HYDIN: variants seen among roughly 807,000 people sequenced by gnomAD.
HYDIN encodes HYDIN axonemal central pair apparatus protein, also known as axonemal central pair apparatus protein HYDIN.
HYDIN carries 132 observed loss-of-function variants against 403.9 expected under a neutral mutation model. The ratio of observed to expected loss-of-function variants is 0.33; its 90% CI spans 0.28 to 0.38. The LOEUF is 0.38. Among genes scored for constraint, HYDIN ranks in the 10% least tolerant of loss-of-function variants. HYDIN has a pLI of 1.00. For synonymous variants in HYDIN, 1,202 were observed against 1,891.7 expected, an observed-to-expected ratio of 0.64 and a Z score of 9.46; for missense variants, 2,827 against 5,009.5, an observed-to-expected ratio of 0.56 and a Z score of 13.15.
intron 66 of HYDIN, among the ~76,000 whole-genome samples, 179 bp from the exon 67 acceptor site, chr16:70,866,508 T>C (rs966929266): frequency 2.6e-5 from 4 of 152,016 alleles, no homozygotes; most frequent in African/African-American, 9.7e-5. Flanking sequence ...AAAAGGGATC[T>C]AGTAAGATTA....
intron 6 of HYDIN, among the ~76,000 whole-genome samples, chr16:71,156,567 AG>A (rs911322947): frequency 2.0e-5 from 3 of 152,200 alleles, no homozygotes; most frequent in African/African-American, 7.2e-5. Flanking sequence ...ATAATTATGG[AG>A]GGAGTTTGGT....
intron 1 of HYDIN, among the ~76,000 whole-genome samples, chr16:71,216,090 T>C (rs1336902056): frequency 6.6e-6 from 1 of 152,196 alleles, no homozygotes; most frequent in East Asian, 1.9e-4. Context: ...AAGATACGTA[T>C]GTTCTATGAC....
intron 77 of HYDIN, 132 bp downstream of exon 77, chr16:70,837,558 G>A: frequency 1.6e-6 from 1 of 633,506 alleles, no homozygotes; most frequent in African/African-American, 1.8e-5. Context: ...GGGACTCGCT[G>A]ACCTACAACA....
rs1296261177 is a variant in HYDIN, at chr16:70,840,615, T to A, written c.12874-382A>T. On this transcript the variant is annotated intron_variant, in intron 75 of 85. Transcript: ENST00000393567. ...CTTCCTTTGAAGCTCAGGATGGCCA[T>A]CAGACATAGTTCCAGTCATTGAGAT... Among the ~76,000 whole-genome samples, 5 of 152,218 alleles carry A rather than the reference T, an allele frequency of 3.3e-5. No individual in the cohort carries two copies. The East Asian group carries it at 9.6e-4, about 29-fold the overall frequency.
At chr16:70,858,795 G>A (rs1478760091) in intron 71 of HYDIN, among the ~76,000 whole-genome samples, 1 of 152,206 alleles carries the variant, frequency 6.6e-6, no homozygotes, top group Non-Finnish European at 1.5e-5. Context: ...TTTCTGGGCT[G>A]AAGTGGGGGC....
chr16:71,022,941 C>T (rs2080550811), intron 21 of HYDIN, among the ~76,000 whole-genome samples: 1 of 151,622 alleles, frequency 6.6e-6, no homozygotes, highest in South Asian at 2.1e-4. Flanking sequence ...AGAGCACTAC[C>T]CACACATTTT....
intron 11 of HYDIN, among the ~76,000 whole-genome samples, chr16:71,092,850 G>C (rs2083153991): frequency 1.4e-5 from 2 of 142,690 alleles, no homozygotes. Context: ...AAAGTGCTAG[G>C]ATACAAATTG....
chr16:71,043,670 T>C (rs2144205396), intron 18 of HYDIN, among the ~76,000 whole-genome samples: 1 of 152,214 alleles, frequency 6.6e-6, no homozygotes, highest in South Asian at 2.1e-4. Flanking sequence ...TCATTTTGTT[T>C]TATTTTAAAC....
intron 1 of HYDIN, among the ~76,000 whole-genome samples, chr16:71,217,648 T>C (rs1397063299): frequency 6.6e-6 from 1 of 152,190 alleles, no homozygotes; most frequent in East Asian, 1.9e-4. Flanking sequence ...TGCACCCTCA[T>C]AATAAGGTGC....
chr16:71,209,276 AG>A (rs2088461926), intron 1 of HYDIN, among the ~76,000 whole-genome samples: 1 of 151,398 alleles, frequency 6.6e-6, no homozygotes. Flanking sequence ...TCACATAAAC[AG>A]AACTGAAGAC....
At chr16:71,227,841 C>G (rs896899233) in intron 1 of HYDIN, among the ~76,000 whole-genome samples, 2 of 152,190 alleles carry the variant, frequency 1.3e-5, no homozygotes, top group East Asian at 3.8e-4. Flanking sequence ...AAAAAAGAGC[C>G]TGCATTGCCA....
intron 3 of HYDIN, among the ~76,000 whole-genome samples, chr16:71,179,814 C>A (rs969665954): frequency 1.3e-5 from 2 of 152,102 alleles, no homozygotes; most frequent in Non-Finnish European, 2.9e-5. Context: ...ACGAATTACC[C>A]CAAGCTAGTA....
Position 70,964,735 on chromosome 16 carries a change from C to T in HYDIN, c.5781G>A (p.Gln1927=), listed in dbSNP as rs149398297. The change falls in exon 37 of 86, where the codon CAG becomes CAA. Residue 1927 remains glutamine, a synonymous_variant. Transcript: ENST00000393567. ...MRAKYLENLA[Q]ENEEEDITSS... is the part of the protein sequence containing the mutation. ...TCCACATTGAGTTCTCACCATTCTC[C>T]TGTGCCAGATTCTCCAGATATTTCG... 2.5e-6 allele frequency: 4 copies of T among 1,611,472 alleles called. No individual in the cohort carries two copies. In the South Asian group the frequency reaches 4.4e-5, roughly 18 times the overall value.
chr16:70,914,215 T>A (rs2076773951), intron 47 of HYDIN, among the ~76,000 whole-genome samples: 1 of 152,164 alleles, frequency 6.6e-6, no homozygotes, highest in African/African-American at 2.4e-5. Context: ...TTTAATTGTA[T>A]TTTTGTTTTA....
At chr16:71,072,664 A>T (rs2082503752) in intron 13 of HYDIN, among the ~76,000 whole-genome samples, 1 of 152,072 alleles carries the variant, frequency 6.6e-6, no homozygotes, top group African/African-American at 2.4e-5. Flanking sequence ...TCTGATGGCC[A>T]TCAGATATGA....
chr16:70,898,122 T>C (rs1228832392), intron 53 of HYDIN, among the ~76,000 whole-genome samples: 20 of 152,178 alleles, frequency 1.3e-4, no homozygotes, highest in Non-Finnish European at 8.8e-5. Context: ...TGAGCTGAGA[T>C]TGCACCACTG....
At chr16:71,085,766 G>A (rs936012184) in intron 12 of HYDIN, among the ~76,000 whole-genome samples, 24 of 152,076 alleles carry the variant, frequency 1.6e-4, no homozygotes, top group Non-Finnish European at 3.5e-4. Flanking sequence ...ATATAACATA[G>A]ACTCTCCAGC....
At position 70,955,568 on chromosome 16, in the gene HYDIN, G is replaced by T. The variant is rs758699993; in HGVS notation, c.6143-20C>A. ...ACTTTCCTATTAAAAAGACCAGGGG[G>T]TTGAATTTCACGGTGCTCATTTGCT... is the stretch of plus-strand genomic sequence containing the variant. On this transcript the variant is annotated intron_variant, in intron 39 of 85. Coordinates refer to ENST00000393567, the MANE Select transcript of HYDIN (RefSeq NM_001270974.2). The T allele has an allele frequency of 5.0e-6, 6 of 1,201,152 alleles. No homozygotes were observed. Among genetic ancestry groups the T allele is most frequent in the Non-Finnish European group, 6.0e-6 (5 of 832,744 alleles). 74.4% of individuals were successfully genotyped at this position (1,201,152 alleles called of 1,614,324 possible).
At position 71,093,774 on chromosome 16, in the gene HYDIN, C is replaced by A. The variant is rs368678057; in HGVS notation, c.1446+43G>T. 5 of 1,597,488 alleles carry A rather than the reference C, an allele frequency of 3.1e-6. No individual in the cohort carries two copies. The African/African-American group carries it at 6.7e-5, about 22-fold the overall frequency. ...TATAAGATAAAACAAACCCCAAAAG[C>A]CAAGTACTGTTTGAAGTATCAACGA... On this transcript the variant is annotated intron_variant, in intron 11 of 85. Transcript: ENST00000393567.
Sources: gnomAD v4.1 joint callset for allele counts (sites outside exome capture counted in the v4.1 genomes callset) on GRCh38, gnomAD v4.1.1 for gene constraint, MANE v1.5 for transcripts, NCBI Gene and HGNC (gene_info 2026-07-23, HGNC 2026-07-21) for gene names.